Variants in CDH8 observed in about 807,000 individuals in gnomAD.
CDH8 encodes the protein cadherin 8.
Under a neutral mutation model 68.1 loss-of-function variants are expected in CDH8, and 17 were observed. That is an observed-to-expected ratio of 0.25 (90% CI 0.17 to 0.37). The LOEUF is 0.37. Ranked by LOEUF, CDH8 falls within the 10% of genes least tolerant of loss-of-function variation. The pLI is 1.00. For missense variants in CDH8, 763 were observed against 999.3 expected, an observed-to-expected ratio of 0.76 and a Z score of 3.19; for synonymous variants, 372 against 365.1, an observed-to-expected ratio of 1.02 and a Z score of -0.21.
At chr16:62,008,181 C>T (rs1325899357) in intron 2 of CDH8, among the ~76,000 whole-genome samples, 2 of 151,730 alleles carry the variant, frequency 1.3e-5, no homozygotes, top group African/African-American at 4.8e-5. Flanking sequence ...AAGTGATTCT[C>T]CTGCCTCAGC....
At chr16:61,867,635 T>C (rs1259922604) in intron 3 of CDH8, among the ~76,000 whole-genome samples, 1 of 152,130 alleles carries the variant, frequency 6.6e-6, no homozygotes, top group East Asian at 1.9e-4. Flanking sequence ...GGAAAGTTAG[T>C]AAAGGGTTTT....
At chr16:61,780,639 T>A (rs1309193279) in intron 8 of CDH8, among the ~76,000 whole-genome samples, 1 of 152,252 alleles carries the variant, frequency 6.6e-6, no homozygotes, top group Non-Finnish European at 1.5e-5. Context: ...TGGTTTTAAA[T>A]ATTCATCTCA....
intron 8 of CDH8, among the ~76,000 whole-genome samples, chr16:61,744,849 C>T (rs1160792947): frequency 1.3e-5 from 2 of 150,932 alleles, no homozygotes; most frequent in African/African-American, 4.9e-5. Context: ...TTATATTACA[C>T]CCTTCCCATT....
At chr16:61,992,368 A>T (rs1270573261) in intron 2 of CDH8, among the ~76,000 whole-genome samples, 1 of 144,552 alleles carries the variant, frequency 6.9e-6, no homozygotes, top group Admixed American at 7.3e-5. Flanking sequence ...GCATGTTCTC[A>T]CTCATAGATG....
chr16:61,818,064 A>C (rs899719899), intron 6 of CDH8: 1 of 198,270 alleles, frequency 5.0e-6, no homozygotes, highest in African/African-American at 2.3e-5. Context: ...CATGACCTGC[A>C]TACTAATCAG....
At chr16:61,658,422 T>C (rs187025168) in intron 10 of CDH8, among the ~76,000 whole-genome samples, 1,601 of 152,084 alleles carry the variant, frequency 0.011, 28 homozygotes, top group African/African-American at 0.036. Flanking sequence ...ATAAAATTAT[T>C]TTTTGGTTGT....
At chr16:61,763,295 A>G (rs1479495270) in intron 8 of CDH8, among the ~76,000 whole-genome samples, 1 of 152,190 alleles carries the variant, frequency 6.6e-6, no homozygotes, top group East Asian at 1.9e-4. Flanking sequence ...GGGTCAGAAT[A>G]GATACCAGTA....
In CDH8 at chr16:61,712,599, G is replaced by C. The variant is rs190532461; in HGVS notation, c.1654+1242C>G. On this transcript the variant is annotated intron_variant, in intron 10 of 11. Coordinates refer to ENST00000577390, the MANE Select transcript of CDH8 (RefSeq NM_001796.5). ...ATGATTTCCATTAAAAAATATTGGTGATGCTAATAAATAAACAATGACAAT... is the reference window on the plus strand; with the variant it reads ...ATGATTTCCATTAAAAAATATTGGTCATGCTAATAAATAAACAATGACAAT... Among the ~76,000 whole-genome samples the C allele has an allele frequency of 9.1e-4, 138 of 151,660 alleles. 2 individuals are homozygous for C. The highest frequency in any genetic ancestry group is 3.1e-3 in the African/African-American group (128 of 41,488).
intron 2 of CDH8, among the ~76,000 whole-genome samples, chr16:61,972,572 GTGTGT>G (rs199560551): frequency 0.015 from 853 of 58,750 alleles, 9 homozygotes; most frequent in African/African-American, 0.058. Context: ...CACATTGTGG[GTGTGT>G]GTGTGTGTGT....
At chr16:61,741,067 A>G (rs1399374833) in intron 8 of CDH8, among the ~76,000 whole-genome samples, 2 of 152,204 alleles carry the variant, frequency 1.3e-5, no homozygotes, top group Non-Finnish European at 2.9e-5. Flanking sequence ...TCAGTTATCT[A>G]TTATTCTGTT....
intron 10 of CDH8, among the ~76,000 whole-genome samples, chr16:61,679,951 T>G (rs1418185117): frequency 5.3e-5 from 8 of 151,996 alleles, no homozygotes; most frequent in Non-Finnish European, 1.2e-4. Context: ...TCTCCAAATA[T>G]CATTCATTCA....
intron 2 of CDH8, among the ~76,000 whole-genome samples, chr16:61,922,132 T>A (rs1964379498): frequency 6.6e-6 from 1 of 151,876 alleles, no homozygotes; most frequent in African/African-American, 2.4e-5. Flanking sequence ...TCAATTTCTA[T>A]TGTTGTGTGT....
At chr16:61,799,697 G>C (rs1439358247) in intron 7 of CDH8, among the ~76,000 whole-genome samples, 1 of 151,906 alleles carries the variant, frequency 6.6e-6, no homozygotes, top group Non-Finnish European at 1.5e-5. Flanking sequence ...TTACCATATA[G>C]AAAAAAACAT....
At chr16:61,768,334 CT>C (rs1567461101) in intron 8 of CDH8, among the ~76,000 whole-genome samples, 1 of 116,506 alleles carries the variant, frequency 8.6e-6, no homozygotes, top group Non-Finnish European at 1.8e-5. Flanking sequence ...CTCTCTCTCT[CT>C]CTCTCTCTCT....
At chr16:61,811,076 G>T (rs527521373) in intron 7 of CDH8, among the ~76,000 whole-genome samples, 1 of 151,508 alleles carries the variant, frequency 6.6e-6, no homozygotes, top group Admixed American at 6.6e-5. Flanking sequence ...AAGGGCTTTG[G>T]TTTTTCTGGG....
chr16:61,687,048 G>A (rs146576422), intron 10 of CDH8, among the ~76,000 whole-genome samples: 3 of 151,676 alleles, frequency 2.0e-5, no homozygotes, highest in East Asian at 3.9e-4. Context: ...CCTTTACTAC[G>A]GTACTGTAAA....
chr16:62,035,762 C>G (rs1484475362), intron 1 of CDH8, among the ~76,000 whole-genome samples: 1 of 152,102 alleles, frequency 6.6e-6, no homozygotes. Flanking sequence ...GGCGAAATAG[C>G]CAAGTCGCCG....
rs1963349357 is a variant in CDH8, at chr16:61,652,739, T to C, written c.*869A>G. The C allele has an allele frequency of 1.5e-6, 2 of 1,318,270 alleles. No homozygotes were observed. Among genetic ancestry groups the C allele is most frequent in the African/African-American group, 3.0e-5 (2 of 66,758 alleles). 81.7% of individuals were successfully genotyped at this position (1,318,270 alleles called of 1,614,324 possible). A position where few individuals can be genotyped will look rare whatever the true frequency, so the allele number is the denominator to read the frequency against. On this transcript the variant is annotated 3_prime_UTR_variant, in exon 12 of 12. Coordinates refer to ENST00000577390, the MANE Select transcript of CDH8 (RefSeq NM_001796.5). ...TTACCGACCTTAATAAATAAAAGCA[T>C]TAATGGACATCAATAAAATATTTAT... is the stretch of plus-strand genomic sequence containing the variant.
At chr16:61,782,725 C>A (rs1370461207) in intron 8 of CDH8, among the ~76,000 whole-genome samples, 2 of 152,186 alleles carry the variant, frequency 1.3e-5, no homozygotes, top group Non-Finnish European at 2.9e-5. Flanking sequence ...GGTCTCCCAG[C>A]ATGCAGCTGG....
Sources: allele counts gnomAD v4.1 joint callset (sites outside exome capture counted in the v4.1 genomes callset), GRCh38; gene constraint gnomAD v4.1.1; transcripts MANE v1.5; gene names NCBI Gene and HGNC (gene_info 2026-07-23, HGNC 2026-07-21).